Variants in ITGAV observed in about 807,000 individuals in gnomAD.
The protein encoded by ITGAV is integrin subunit alpha V, also known as integrin alpha-V.
ITGAV carries 76 observed loss-of-function variants against 143.8 expected under a neutral mutation model. The observed-to-expected ratio is 0.53, with a 90% CI of 0.44 to 0.64. The LOEUF (loss-of-function observed/expected upper bound fraction) is 0.64, where lower values mean the gene tolerates loss of function less well. Among genes scored for constraint, ITGAV ranks in the 30% least tolerant of loss-of-function variants. ITGAV has a pLI of 0.00. For missense variants in ITGAV, 1,193 were observed against 1,274.7 expected, an observed-to-expected ratio of 0.94 and a Z score of 0.98; for synonymous variants, 453 against 446.7, an observed-to-expected ratio of 1.01 and a Z score of -0.18.
intron 8 of ITGAV, 32 bp downstream of exon 8, chr2:186,637,141 A>T (rs1355516184): frequency 1.9e-6 from 3 of 1,544,898 alleles, no homozygotes; most frequent in African/African-American, 1.4e-5. Flanking sequence ...TCTAATCTTT[A>T]AAAAAATTAG....
At chr2:186,622,994 C>T (rs554310479) in intron 3 of ITGAV, among the ~76,000 whole-genome samples, 1 of 152,186 alleles carries the variant, frequency 6.6e-6, no homozygotes, top group East Asian at 1.9e-4. Context: ...TAACTCCTGA[C>T]CTCAGGTGAG....
intron 12 of ITGAV, among the ~76,000 whole-genome samples, chr2:186,644,087 A>G (rs892867764): frequency 1.1e-4 from 16 of 151,770 alleles, no homozygotes; most frequent in Admixed American, 1.3e-4. Flanking sequence ...GGGACTACCA[A>G]TGTGCACCTC....
intron 2 of ITGAV, 108 bp from the exon 3 acceptor site, chr2:186,622,231 T>A: frequency 1.4e-6 from 1 of 713,474 alleles, no homozygotes; most frequent in South Asian, 1.8e-5. Flanking sequence ...GTGGAATATT[T>A]GATTAATCAA....
intron 5 of ITGAV, among the ~76,000 whole-genome samples, chr2:186,632,631 C>G (rs1302000518): frequency 1.3e-5 from 2 of 152,050 alleles, no homozygotes; most frequent in Admixed American, 6.6e-5. Flanking sequence ...ATAATACACC[C>G]TGAAAATTTT....
chr2:186,674,626 C>G (rs1237291032), intron 26 of ITGAV, among the ~76,000 whole-genome samples: 1 of 152,070 alleles, frequency 6.6e-6, no homozygotes, highest in Admixed American at 6.6e-5. Context: ...ATTCTCCTGC[C>G]TTAGCCTCCC....
chr2:186,600,213 C>A (rs2105652554), intron 1 of ITGAV: 1 of 882,244 alleles, frequency 1.1e-6, no homozygotes, highest in Non-Finnish European at 1.8e-6. Context: ...TTCTTTGTAG[C>A]TCCTGGAGAT....
At position 186,667,782 on chromosome 2, in the gene ITGAV, C is replaced by T. The variant is rs745460801; in HGVS notation, c.2433+6C>T. 3.2e-6 allele frequency: 5 copies of T among 1,572,056 alleles called. No individual in the cohort carries two copies. Among genetic ancestry groups the T allele is most frequent in the Non-Finnish European group, 4.3e-6 (5 of 1,150,828 alleles). On this transcript the variant is annotated splice_donor_region_variant and intron_variant, in intron 24 of 29. Coordinates refer to ENST00000261023, the MANE Select transcript of ITGAV (RefSeq NM_002210.5). Reference sequence around the variant, plus strand: ...TTGTTCAGCACATCTATGAGGTTTGCAGTTGTTAGATTTTACTCAAACCTC... The same window carrying T: ...TTGTTCAGCACATCTATGAGGTTTGTAGTTGTTAGATTTTACTCAAACCTC...
At chr2:186,638,358 A>G (rs201196607) in intron 9 of ITGAV, 38 bp downstream of exon 9, 2 of 1,609,068 alleles carry the variant, frequency 1.2e-6, no homozygotes, top group African/African-American at 1.3e-5. Context: ...AAAATCTCTA[A>G]GTTATCTTCT....
chr2:186,658,989 G>T, intron 17 of ITGAV, 49 bp from the exon 18 acceptor site: 1 of 1,481,088 alleles, frequency 6.8e-7, no homozygotes, highest in South Asian at 1.3e-5. Flanking sequence ...GATTTCTCCA[G>T]ATAATTTAGG....
intron 26 of ITGAV, among the ~76,000 whole-genome samples, chr2:186,671,078 A>G (rs1689048452): frequency 6.6e-6 from 1 of 152,056 alleles, no homozygotes; most frequent in Non-Finnish European, 1.5e-5. Flanking sequence ...TTCATCACTA[A>G]CACAACCTAA....
At chr2:186,594,381 T>C (rs926972028) in intron 1 of ITGAV, among the ~76,000 whole-genome samples, 8 of 152,228 alleles carry the variant, frequency 5.3e-5, no homozygotes, top group Non-Finnish European at 8.8e-5. Flanking sequence ...CTTCACCACC[T>C]TAATATCAGT....
chr2:186,611,226 T>C (rs1687208109), intron 2 of ITGAV, among the ~76,000 whole-genome samples: 1 of 152,170 alleles, frequency 6.6e-6, no homozygotes, highest in African/African-American at 2.4e-5. Flanking sequence ...GACTTACCTC[T>C]TATTTCAAGG....
chr2:186,667,322 T>C, intron 23 of ITGAV, 92 bp downstream of exon 23: 2 of 919,150 alleles, frequency 2.2e-6, no homozygotes, highest in Non-Finnish European at 3.4e-6. Context: ...CAATAGACCC[T>C]GCATGTTTAG....
chr2:186,661,071 C>T (rs1301761289), intron 18 of ITGAV, among the ~76,000 whole-genome samples: 1 of 152,194 alleles, frequency 6.6e-6, no homozygotes, highest in Non-Finnish European at 1.5e-5. Flanking sequence ...TGGGGGGACA[C>T]AGTTCAGCCC....
intron 18 of ITGAV, among the ~76,000 whole-genome samples, chr2:186,659,860 T>G (rs895351580): frequency 6.6e-6 from 1 of 151,786 alleles, no homozygotes; most frequent in Non-Finnish European, 1.5e-5. Flanking sequence ...TCTTTTCTAA[T>G]TTTTATATTT....
At position 186,669,758 on chromosome 2, in the gene ITGAV, G is replaced by A. The variant is rs752218570; in HGVS notation, c.2650G>A (p.Asp884Asn). 6.2e-7 allele frequency: 1 copy of A among 1,613,982 alleles called. No homozygotes were observed. The highest frequency in any genetic ancestry group is 1.3e-5 in the African/African-American group (1 of 74,900). ...NDTVAGQGER[D>N]HLITKRDLAL... The stretch of plus-strand genomic sequence containing the variant: ...CACGGTTGCCGGGCAAGGTGAGCGG[G>A]ACCATCTCATCACTAAGCGGGATCT... Residue 884 changes from aspartate (D) to asparagine (N), a missense_variant, in exon 26 of 30, where the codon GAC becomes AAC. Transcript: ENST00000261023.
In ITGAV at chr2:186,667,218, T is replaced by C. The variant is rs1490471939; in HGVS notation, c.2315T>C (p.Val772Ala). 6.2e-7 allele frequency: 1 copy of C among 1,610,060 alleles called. No homozygotes were observed. Among genetic ancestry groups the C allele is most frequent in the South Asian group, 1.1e-5 (1 of 90,900 alleles). The part of the protein sequence containing the change: ...HKVDLAVLAA[V>A]EIRGVSSPDH... ...GTTGATCTTGCTGTTTTAGCTGCAG[T>C]TGAGATAAGAGGGTCAGTATGAATA... is the stretch of plus-strand genomic sequence containing the variant. Residue 772 changes from valine (V) to alanine (A), a missense_variant, in exon 23 of 30, where the codon GTT (valine) becomes GCT (alanine). By Grantham distance (64) the Val-to-Ala change is moderately conservative. Coordinates refer to ENST00000261023, the MANE Select transcript of ITGAV (RefSeq NM_002210.5).
At position 186,641,388 on chromosome 2, in the gene ITGAV, A is replaced by T; in HGVS notation, c.959A>T (p.Tyr320Phe). ...GTGAGAAGTTTCTGTTCTTCTAGTT[A>T]TGCAGATGTGTTTATTGGAGCACCT... Reference protein sequence around the residue: ...VAATDINGDDYADVFIGAPLF... With the variant: ...VAATDINGDDFADVFIGAPLF... Residue 320 changes from tyrosine to phenylalanine, a missense_variant and splice_region_variant, in exon 12 of 30, where the codon TAT (tyrosine) becomes TTT (phenylalanine). Transcript: ENST00000261023. The T allele has an allele frequency of 6.2e-7, 1 of 1,613,218 alleles. No individual in the cohort carries two copies. The highest frequency in any genetic ancestry group is 1.7e-5 in the Admixed American group (1 of 60,012).
At chr2:186,645,204 GA>G (rs1688221794) in intron 12 of ITGAV, among the ~76,000 whole-genome samples, 1 of 152,172 alleles carries the variant, frequency 6.6e-6, no homozygotes, top group African/African-American at 2.4e-5. Context: ...GGGTGATAGA[GA>G]AAGTAGGGGG....
Sources: allele counts gnomAD v4.1 joint callset (sites outside exome capture counted in the v4.1 genomes callset), GRCh38; gene constraint gnomAD v4.1.1; transcripts MANE v1.5; gene names NCBI Gene and HGNC (gene_info 2026-07-23, HGNC 2026-07-21).